Variants in PTPRG observed in about 807,000 individuals in gnomAD.
PTPRG encodes receptor-type tyrosine-protein phosphatase gamma.
PTPRG carries 102 observed loss-of-function variants against 165.3 expected under a neutral mutation model. The ratio of observed to expected loss-of-function variants is 0.62; its 90% CI spans 0.53 to 0.73. PTPRG has a LOEUF of 0.73. Ranked by LOEUF, PTPRG falls within the 30% of genes least tolerant of loss-of-function variation. The probability of loss-of-function intolerance (pLI) is 0.00; values close to 1 mark genes in which losing one functional copy is unlikely to be tolerated. For synonymous variants in PTPRG, 675 were observed against 669.5 expected (o/e 1.01, Z -0.13); for missense variants, 1,866 against 1,861.4 (o/e 1.00, Z -0.05).
chr3:61,839,788 T>G (rs143079272), intron 2 of PTPRG, among the ~76,000 whole-genome samples: 31 of 152,326 alleles, frequency 2.0e-4, no homozygotes, highest in Non-Finnish European at 4.1e-4. Flanking sequence ...GAATTTTCTT[T>G]CTGTACCATA....
chr3:61,690,321 A>T (rs569325208), intron 1 of PTPRG, among the ~76,000 whole-genome samples: 2 of 152,318 alleles, frequency 1.3e-5, no homozygotes, highest in Admixed American at 1.3e-4. Context: ...CCTAAGGAAC[A>T]GCATCAGATC....
chr3:62,049,159 C>T (rs1125465), intron 4 of PTPRG, among the ~76,000 whole-genome samples: 34,249 of 151,724 alleles, frequency 0.23, 4,075 homozygotes, highest in Admixed American at 0.3. Flanking sequence ...CGTATCTCAT[C>T]GTCCCTCTTT....
chr3:61,745,639 G>A (rs759037225), intron 1 of PTPRG, among the ~76,000 whole-genome samples: 21 of 152,200 alleles, frequency 1.4e-4, no homozygotes, highest in African/African-American at 4.8e-4. Context: ...TAGCAGAACC[G>A]TACCTTTTAC....
chr3:61,802,741 C>T (rs887474940), intron 2 of PTPRG, among the ~76,000 whole-genome samples: 2 of 152,028 alleles, frequency 1.3e-5, no homozygotes, highest in Non-Finnish European at 2.9e-5. Flanking sequence ...TGTATGACAC[C>T]AGCTCTGCAG....
intron 1 of PTPRG, among the ~76,000 whole-genome samples, chr3:61,651,939 G>A (rs926366325): frequency 2.6e-5 from 4 of 152,158 alleles, no homozygotes; most frequent in African/African-American, 9.7e-5. Context: ...GAACCTGGGA[G>A]GCTGAGGTTG....
At chr3:62,277,889 T>C (rs551587993) in intron 26 of PTPRG, among the ~76,000 whole-genome samples, 7 of 152,252 alleles carry the variant, frequency 4.6e-5, no homozygotes, top group African/African-American at 1.7e-4. Flanking sequence ...TCTGATGCTA[T>C]TGATATCACC....
chr3:61,932,516 C>T (rs2039386449), intron 2 of PTPRG, among the ~76,000 whole-genome samples: 1 of 152,190 alleles, frequency 6.6e-6, no homozygotes, highest in Non-Finnish European at 1.5e-5. Context: ...AATATAAAAA[C>T]CTCTAATACG....
At chr3:61,665,453 G>A (rs1702783958) in intron 1 of PTPRG, among the ~76,000 whole-genome samples, 1 of 140,574 alleles carries the variant, frequency 7.1e-6, no homozygotes, top group Admixed American at 7.3e-5. Flanking sequence ...AGCTAAGATG[G>A]TGAATTGTAA....
chr3:62,000,266 G>A (rs1270025608), intron 3 of PTPRG, among the ~76,000 whole-genome samples: 3 of 143,794 alleles, frequency 2.1e-5, no homozygotes, highest in African/African-American at 8.0e-5. Flanking sequence ...GGGCAACAGA[G>A]CGAGACTCTG....
At chr3:61,841,284 G>A (rs1312411326) in intron 2 of PTPRG, among the ~76,000 whole-genome samples, 3 of 152,144 alleles carry the variant, frequency 2.0e-5, no homozygotes. Flanking sequence ...TGTTCTCCCA[G>A]GTCATGTGTT....
intron 2 of PTPRG, among the ~76,000 whole-genome samples, chr3:61,900,302 C>G (rs1397658751): frequency 6.6e-6 from 1 of 152,136 alleles, no homozygotes; most frequent in African/African-American, 2.4e-5. Flanking sequence ...ATAGGCTACT[C>G]CCATGAATTT....
chr3:61,623,141 G>T (rs1265342741), intron 1 of PTPRG, among the ~76,000 whole-genome samples: 5 of 152,180 alleles, frequency 3.3e-5, no homozygotes, highest in African/African-American at 1.2e-4. Flanking sequence ...ATTTGGAAGG[G>T]TATGATAGAT....
intron 5 of PTPRG, chr3:62,124,373 A>G: frequency 4.3e-6 from 7 of 1,612,876 alleles, no homozygotes; most frequent in Admixed American, 1.7e-5. Context: ...ATGCAAGTCC[A>G]GGGTGATCTG....
intron 2 of PTPRG, among the ~76,000 whole-genome samples, chr3:61,783,367 C>T (rs1289202039): frequency 6.6e-6 from 1 of 152,148 alleles, no homozygotes; most frequent in African/African-American, 2.4e-5. Flanking sequence ...TATTGATTAT[C>T]TGCTTCATGC....
chr3:61,696,316 A>T (rs1462532877), intron 1 of PTPRG, among the ~76,000 whole-genome samples: 1 of 152,182 alleles, frequency 6.6e-6, no homozygotes, highest in Non-Finnish European at 1.5e-5. Flanking sequence ...GGTCTGACCA[A>T]CATGGGGAAA....
intron 1 of PTPRG, among the ~76,000 whole-genome samples, chr3:61,570,795 C>A (rs956274789): frequency 6.6e-6 from 1 of 152,120 alleles, no homozygotes; most frequent in African/African-American, 2.4e-5. Flanking sequence ...ATTTACAAAG[C>A]GGTGGTTATT....
At chr3:61,773,378 A>G (rs2034270243) in intron 2 of PTPRG, among the ~76,000 whole-genome samples, 1 of 152,340 alleles carries the variant, frequency 6.6e-6, no homozygotes, top group South Asian at 2.1e-4. Flanking sequence ...ACTACAGACC[A>G]TTGGTAGCAA....
intron 4 of PTPRG, among the ~76,000 whole-genome samples, chr3:62,042,896 C>T (rs761229942): frequency 2.6e-5 from 4 of 152,160 alleles, no homozygotes; most frequent in Non-Finnish European, 4.4e-5. Flanking sequence ...TCAAGGAGCA[C>T]AGGATAGGAA....
At chr3:61,996,958 C>G (rs545665455) in intron 3 of PTPRG, among the ~76,000 whole-genome samples, 62 of 152,298 alleles carry the variant, frequency 4.1e-4, no homozygotes, top group African/African-American at 1.2e-3. Context: ...CCTCATTAAC[C>G]AATTACCCTG....
Sources: gnomAD v4.1 joint callset for allele counts (sites outside exome capture counted in the v4.1 genomes callset) on GRCh38, gnomAD v4.1.1 for gene constraint, MANE v1.5 for transcripts, NCBI Gene and HGNC (gene_info 2026-07-23, HGNC 2026-07-21) for gene names.